KIF5C: variants seen among roughly 807,000 people sequenced by gnomAD.
The protein encoded by KIF5C is kinesin heavy chain isoform 5C.
KIF5C carries 18 observed loss-of-function variants against 125.2 expected under a neutral mutation model. That is an observed-to-expected ratio of 0.14 (90% CI 0.10 to 0.21). The LOEUF (loss-of-function observed/expected upper bound fraction) is 0.21. Among genes scored for constraint, KIF5C ranks in the 10% least tolerant of loss-of-function variants. The probability of loss-of-function intolerance (pLI) is 1.00; values close to 1 mark genes in which losing one functional copy is unlikely to be tolerated. For missense variants in KIF5C, 780 were observed against 1,183.8 expected, an observed-to-expected ratio of 0.66 and a Z score of 5.01; for synonymous variants, 405 against 434.0, an observed-to-expected ratio of 0.93 and a Z score of 0.83.
intron 14 of KIF5C, among the ~76,000 whole-genome samples, chr2:148,981,924 C>G (rs555806783): frequency 6.6e-6 from 1 of 152,258 alleles, no homozygotes; most frequent in East Asian, 1.9e-4. Context: ...TATTCATTCC[C>G]TTATCTGTAA....
intron 7 of KIF5C, 113 bp downstream of exon 7, chr2:148,942,873 T>G: frequency 6.6e-7 from 1 of 1,510,198 alleles, no homozygotes; most frequent in Non-Finnish European, 9.0e-7. Flanking sequence ...GGAAGGTGAT[T>G]AAAGAGCAGT....
chr2:149,013,309 T>G (rs149805977), intron 25 of KIF5C, among the ~76,000 whole-genome samples: 1 of 152,342 alleles, frequency 6.6e-6, no homozygotes, highest in East Asian at 1.9e-4. Context: ...TCAGCCATCA[T>G]GCCTACATTC....
intron 12 of KIF5C, 69 bp downstream of exon 12, chr2:148,973,580 A>C (rs551399527): frequency 1.3e-6 from 2 of 1,492,280 alleles, no homozygotes; most frequent in Non-Finnish European, 1.8e-6. Flanking sequence ...CCAGCTCCCT[A>C]TGGGGCTGAT....
At chr2:148,902,301 A>G (rs1680936919) in intron 1 of KIF5C, among the ~76,000 whole-genome samples, 1 of 151,608 alleles carries the variant, frequency 6.6e-6, no homozygotes, top group East Asian at 1.9e-4. Context: ...AAAGGCAGAC[A>G]GCTTCTTCGT....
chr2:148,919,639 T>C (rs1382744568), intron 1 of KIF5C, among the ~76,000 whole-genome samples: 1 of 152,170 alleles, frequency 6.6e-6, no homozygotes, highest in Non-Finnish European at 1.5e-5. Context: ...TAATTAGTGA[T>C]TTTTTAAAAT....
chr2:148,959,823 C>T (rs141756566), intron 10 of KIF5C, among the ~76,000 whole-genome samples: 246 of 152,212 alleles, frequency 1.6e-3, no homozygotes, highest in African/African-American at 5.6e-3. Context: ...GCGTGAGGTC[C>T]GGGTATTTAT....
intron 15 of KIF5C, among the ~76,000 whole-genome samples, chr2:148,988,422 A>G (rs1005698805): frequency 2.0e-5 from 3 of 152,144 alleles, no homozygotes; most frequent in African/African-American, 7.2e-5. Flanking sequence ...ACATATCTAT[A>G]TTTTTACTCT....
At chr2:148,899,494 G>GGCCAAC (rs1680805120) in intron 1 of KIF5C, among the ~76,000 whole-genome samples, 2 of 151,850 alleles carry the variant, frequency 1.3e-5, no homozygotes, top group Non-Finnish European at 2.9e-5. Context: ...CTAAGGTCAG[G>GGCCAAC]ATTTCGAGAC....
intron 1 of KIF5C, among the ~76,000 whole-genome samples, chr2:148,908,830 AT>A (rs1395109261): frequency 6.6e-6 from 1 of 152,196 alleles, no homozygotes; most frequent in African/African-American, 2.4e-5. Flanking sequence ...GAGACTTTGC[AT>A]TTTTTAAAGC....
intron 1 of KIF5C, among the ~76,000 whole-genome samples, chr2:148,892,017 C>T (rs886818000): frequency 3.3e-5 from 5 of 152,078 alleles, no homozygotes; most frequent in Non-Finnish European, 5.9e-5. Context: ...TCAGTATGAC[C>T]CTATGAGGTA....
At chr2:149,017,481 C>T (rs1027220161) in intron 25 of KIF5C, among the ~76,000 whole-genome samples, 1 of 152,216 alleles carries the variant, frequency 6.6e-6, no homozygotes, top group Non-Finnish European at 1.5e-5. Flanking sequence ...CCTGATTAAA[C>T]ATCTGCCCAG....
At chr2:148,891,755 T>C (rs1053745332) in intron 1 of KIF5C, among the ~76,000 whole-genome samples, 1 of 152,178 alleles carries the variant, frequency 6.6e-6, no homozygotes, top group Admixed American at 6.5e-5. Context: ...TGGAGTGCAA[T>C]GGCGTGATCT....
At chr2:149,016,465 A>T (rs1401666573) in intron 25 of KIF5C, among the ~76,000 whole-genome samples, 1 of 152,156 alleles carries the variant, frequency 6.6e-6, no homozygotes, top group African/African-American at 2.4e-5. Context: ...CTTAGAGCTG[A>T]TTCAGCTGTC....
intron 11 of KIF5C, among the ~76,000 whole-genome samples, chr2:148,968,308 C>A (rs1680800947): frequency 6.6e-6 from 1 of 152,166 alleles, no homozygotes; most frequent in African/African-American, 2.4e-5. Flanking sequence ...TCATCCAGTT[C>A]AAAACCTGTG....
chr2:148,969,714 A>T (rs914560971), intron 11 of KIF5C, among the ~76,000 whole-genome samples: 1 of 152,100 alleles, frequency 6.6e-6, no homozygotes, highest in East Asian at 1.9e-4. Context: ...CATAATCACC[A>T]TGTGGGGGCT....
chr2:149,002,917 T>C (rs1483173198), intron 21 of KIF5C, among the ~76,000 whole-genome samples: 11 of 152,208 alleles, frequency 7.2e-5, no homozygotes, highest in Admixed American at 7.2e-4. Flanking sequence ...AATGACGTAT[T>C]TTCCTCACTA....
chr2:148,895,428 G>A (rs923919525), intron 1 of KIF5C, among the ~76,000 whole-genome samples: 47 of 152,052 alleles, frequency 3.1e-4, no homozygotes, highest in African/African-American at 3.9e-4. Context: ...GTGAGCCACC[G>A]CACTTGGCCC....
chr2:148,970,400 A>G (rs1305338119), intron 11 of KIF5C, among the ~76,000 whole-genome samples: 1 of 152,218 alleles, frequency 6.6e-6, no homozygotes, highest in East Asian at 1.9e-4. Flanking sequence ...TGCTTTTTAC[A>G]TATACTATCT....
intron 16 of KIF5C, among the ~76,000 whole-genome samples, chr2:148,994,122 T>C (rs1199267716): frequency 6.6e-6 from 1 of 152,194 alleles, no homozygotes; most frequent in Non-Finnish European, 1.5e-5. Context: ...TGCATGCTTT[T>C]CTCTGAGAAG....
Sources: gnomAD v4.1 joint callset for allele counts (sites outside exome capture counted in the v4.1 genomes callset) on GRCh38, gnomAD v4.1.1 for gene constraint, MANE v1.5 for transcripts, NCBI Gene and HGNC (gene_info 2026-07-23, HGNC 2026-07-21) for gene names.